The following CYP11A1 variants were observed in gnomAD, a reference collection of about 807,000 sequenced individuals.
CYP11A1 encodes cytochrome P450 family 11 subfamily A member 1.
In CYP11A1, 25 loss-of-function variants were observed where a neutral mutation model predicts 51.9. That is an observed-to-expected ratio of 0.48 (90% CI 0.35 to 0.67). The LOEUF is 0.67. Among genes scored for constraint, CYP11A1 ranks in the 30% least tolerant of loss-of-function variants. The pLI is 0.00. For missense variants in CYP11A1, 578 were observed against 680.9 expected (o/e 0.85, Z 1.68); for synonymous variants, 245 against 262.1 (o/e 0.93, Z 0.63).
intron 5 of CYP11A1, among the ~76,000 whole-genome samples, chr15:74,342,029 G>A (rs374734690): frequency 6.6e-6 from 1 of 152,110 alleles, no homozygotes; most frequent in Non-Finnish European, 1.5e-5. Flanking sequence ...TTGTTACAGC[G>A]GCCCTAGCAA....
At chr15:74,365,963 C>G in intron 1 of CYP11A1, 1 of 836,100 alleles carries the variant, frequency 1.2e-6, no homozygotes, top group Non-Finnish European at 1.3e-6. Flanking sequence ...GGCAGAGTGA[C>G]TGGGACCTAG....
chr15:74,352,657 C>T (rs1429514398), intron 1 of CYP11A1, among the ~76,000 whole-genome samples: 1 of 152,158 alleles, frequency 6.6e-6, no homozygotes, highest in Non-Finnish European at 1.5e-5. Flanking sequence ...AAATGCATAT[C>T]TGATTGGTTC....
At chr15:74,338,348 A>C (rs902429141) in intron 8 of CYP11A1, 7 of 706,822 alleles carry the variant, frequency 9.9e-6, no homozygotes, top group Non-Finnish European at 1.7e-5. Flanking sequence ...CATCACCACC[A>C]TGGGGAATGG....
intron 1 of CYP11A1, chr15:74,350,897 C>G (rs1231288056): frequency 6.6e-6 from 1 of 152,244 alleles, no homozygotes; most frequent in Non-Finnish European, 1.5e-5. Flanking sequence ...TGGACACCCT[C>G]CACCGGTAAC....
intron 1 of CYP11A1, 132 bp downstream of exon 1, chr15:74,367,178 CAAAAAAA>C (rs11350546): frequency 7.5e-5 from 52 of 693,692 alleles, no homozygotes; most frequent in South Asian, 2.5e-4. Context: ...ATTGTATTAC[CAAAAAAA>C]AAAAAAAAAA....
At chr15:74,355,828 T>C (rs1331918462) in intron 1 of CYP11A1, among the ~76,000 whole-genome samples, 1 of 152,196 alleles carries the variant, frequency 6.6e-6, no homozygotes, top group African/African-American at 2.4e-5. Context: ...TCCTCAAATA[T>C]AAAAACCCAG....
intron 3 of CYP11A1, among the ~76,000 whole-genome samples, chr15:74,344,700 C>A (rs1028161756): frequency 1.3e-5 from 2 of 152,180 alleles, no homozygotes; most frequent in Non-Finnish European, 2.9e-5. Context: ...GTCTATGGCC[C>A]AGGAGGTGGA....
rs45509005 is a variant in CYP11A1, at chr15:74,366,460, T to TTTTATTTATTTATTTA, written c.269+841_269+856dup. 9.8e-3 allele frequency among the ~76,000 whole-genome samples: 1,354 copies of TTTTATTTATTTATTTA among 137,726 alleles called. 11 individuals are homozygous for TTTTATTTATTTATTTA. The highest frequency in any genetic ancestry group is 0.029 in the South Asian group (119 of 4,126). The allele number at this position is 137,726 out of a possible 152,430, so 90.4% of individuals were successfully genotyped here. On this transcript the variant is annotated intron_variant, in intron 1 of 8. Transcript: ENST00000268053. Reference sequence around the variant, plus strand: ...CACCATGCCCGGCTAATTTTTTTTATTTTATTTATTTATTTATTTATTTAT... The same window carrying TTTTATTTATTTATTTA: ...CACCATGCCCGGCTAATTTTTTTTATTTTATTTATTTATTTATTTATTTATTTATTTATTTATTTAT...
chr15:74,357,665 C>G (rs2060686753), intron 1 of CYP11A1, among the ~76,000 whole-genome samples: 1 of 152,202 alleles, frequency 6.6e-6, no homozygotes, highest in Non-Finnish European at 1.5e-5. Flanking sequence ...TCATTACACA[C>G]AGCTGAAGTG....
chr15:74,352,611 G>A (rs1362333776), intron 1 of CYP11A1, among the ~76,000 whole-genome samples: 1 of 152,072 alleles, frequency 6.6e-6, no homozygotes, highest in Non-Finnish European at 1.5e-5. Context: ...CTTGGGGCGA[G>A]CCTGCCTCCC....
chr15:74,366,028 C>A, intron 1 of CYP11A1: 1 of 985,972 alleles, frequency 1.0e-6, no homozygotes, highest in South Asian at 4.6e-5. Context: ...GGACCTCGCC[C>A]TGAGGTAAAC....
At chr15:74,361,581 C>A in intron 1 of CYP11A1, 1 of 937,726 alleles carries the variant, frequency 1.1e-6, no homozygotes, top group Admixed American at 1.8e-5. Context: ...TCTTTGACAT[C>A]GCAGTCACGG....
At chr15:74,356,946 T>A (rs1370935666) in intron 1 of CYP11A1, among the ~76,000 whole-genome samples, 1 of 152,204 alleles carries the variant, frequency 6.6e-6, no homozygotes, top group Admixed American at 6.5e-5. Context: ...TTTAAAAAGA[T>A]TAAAGCCTGT....
At chr15:74,353,945 A>G (rs956809845) in intron 1 of CYP11A1, among the ~76,000 whole-genome samples, 1 of 152,136 alleles carries the variant, frequency 6.6e-6, no homozygotes, top group South Asian at 2.1e-4. Flanking sequence ...TTATCCTTAA[A>G]CTAACTTTTT....
Position 74,345,430 on chromosome 15 carries a change from C to A in CYP11A1, c.426-187G>T. On this transcript the variant is annotated intron_variant, in intron 2 of 8. Transcript: ENST00000268053. This position sits in a 1 kb window ranked among gnomAD's most constrained non-coding sequence, Gnocchi z 4.3. Reference sequence around the variant, plus strand: ...CTCACCTCCTCCCTGCTCTGCCTGGCTGGGAGAAGAGAAAGGAAAAAAGAG... The same window carrying A: ...CTCACCTCCTCCCTGCTCTGCCTGGATGGGAGAAGAGAAAGGAAAAAAGAG... 1 of 638,808 alleles carries A rather than the reference C, an allele frequency of 1.6e-6. No homozygotes were observed. Among genetic ancestry groups the A allele is most frequent in the Non-Finnish European group, 2.8e-6 (1 of 358,760 alleles). The allele number at this position is 638,808 out of a possible 1,614,324, so 39.6% of individuals were successfully genotyped here. A position where few individuals can be genotyped will look rare whatever the true frequency, so the allele number is the denominator to read the frequency against.
chr15:74,338,692 G>A lies in CYP11A1; in HGVS notation c.1313C>T (p.Thr438Ile). 1 of 1,614,174 alleles carries A rather than the reference G, an allele frequency of 6.2e-7. No individual in the cohort carries two copies. The highest frequency in any genetic ancestry group is 1.6e-4 in the Middle Eastern group (1 of 6,062). ...GTTCTTGTCTTTGCTCAGCCATCGG[G>A]TTGGGTCAAAATTTTCCGGGTCGAA... ...FFFDPENFDP[T>I]RWLSKDKNIT... The change falls in exon 8 of 9, where the codon ACC (threonine) becomes ATC (isoleucine). Residue 438 changes from threonine to isoleucine, a missense_variant. Physicochemically the swap from Thr to Ile is moderately conservative, Grantham distance 89. Transcript: ENST00000268053.
Position 74,367,296 on chromosome 15 carries a change from C to T in CYP11A1, c.269+21G>A, listed in dbSNP as rs774969756. The T allele has an allele frequency of 3.1e-6, 5 of 1,614,112 alleles. No homozygotes were observed. The South Asian group carries it at 3.3e-5, about 11-fold the overall frequency. ...CCTCCTCCTCCCTGTCCCTTCGGCT[C>T]CCACCCTCTGCCAGGCTTACCTGTA... On this transcript the variant is annotated intron_variant, in intron 1 of 8. Coordinates refer to ENST00000268053, the MANE Select transcript of CYP11A1 (RefSeq NM_000781.3).
intron 1 of CYP11A1, 174 bp downstream of exon 1, chr15:74,367,143 T>G (rs2060736926): frequency 1.5e-6 from 1 of 671,308 alleles, no homozygotes; most frequent in Non-Finnish European, 2.5e-6. Context: ...TGTTGAATTT[T>G]GAAATATCCC....
chr15:74,341,352 C>CATA (rs1436794334), intron 5 of CYP11A1, among the ~76,000 whole-genome samples: 1 of 152,168 alleles, frequency 6.6e-6, no homozygotes, highest in Non-Finnish European at 1.5e-5. Flanking sequence ...TCAAAGGCTC[C>CATA]ATTTGCAGTC....
Sources: allele counts gnomAD v4.1 joint callset (sites outside exome capture counted in the v4.1 genomes callset), GRCh38; gene constraint gnomAD v4.1.1; non-coding constraint Gnocchi (gnomAD v3.1); transcripts MANE v1.5; gene names NCBI Gene and HGNC (gene_info 2026-07-23, HGNC 2026-07-21).